CHST8: variants seen among roughly 807,000 people sequenced by gnomAD.
CHST8 encodes GALNAC-4-ST1.
CHST8 carries 10 observed loss-of-function variants against 15.0 expected under a neutral mutation model. The ratio of observed to expected loss-of-function variants is 0.67; its 90% confidence interval spans 0.41 to 1.13. CHST8 has a LOEUF of 1.13. Among genes scored for constraint, CHST8 ranks in the 50% most tolerant of loss-of-function variants. CHST8 has a pLI of 0.00. For missense variants in CHST8, 634 were observed against 608.2 expected, an observed-to-expected ratio of 1.04 and a Z score of -0.45; for synonymous variants, 259 against 256.6, an observed-to-expected ratio of 1.01 and a Z score of -0.09.
chr19:33,725,016 A>G (rs1022118373), intron 3 of CHST8, among the ~76,000 whole-genome samples: 1 of 152,076 alleles, frequency 6.6e-6, no homozygotes, highest in Non-Finnish European at 1.5e-5. Context: ...TCGGCAGCGC[A>G]CAGCTGTCAT....
At chr19:33,692,273 TC>T in intron 3 of CHST8, among the ~76,000 whole-genome samples, 1 of 152,240 alleles carries the variant, frequency 6.6e-6, no homozygotes, top group Non-Finnish European at 1.5e-5. Context: ...ATAATTCTTT[TC>T]CAGTCTCCAG....
At chr19:33,634,466 C>G (rs975030382) in intron 1 of CHST8, among the ~76,000 whole-genome samples, 6 of 151,994 alleles carry the variant, frequency 3.9e-5, no homozygotes, top group Non-Finnish European at 7.4e-5. Flanking sequence ...TTCTTCTGGG[C>G]GGGTTTGAAT....
Position 33,635,217 on chromosome 19 carries a change from G to C in CHST8, c.-164+12921G>C, listed in dbSNP as rs146394393. Among the ~76,000 whole-genome samples the C allele has an allele frequency of 4.6e-3, 701 of 152,304 alleles. 7 individuals carry two copies. Among genetic ancestry groups the C allele is most frequent in the Admixed American group, 4.1e-3 (63 of 15,298 alleles). On this transcript the variant is annotated intron_variant, in intron 1 of 4. Transcript: ENST00000650847. ...GGCAGAAGGGCCATTCCTGTCATCA[G>C]CTGCTCCACTCCTGCCCCTCAGCGT...
intron 3 of CHST8, among the ~76,000 whole-genome samples, chr19:33,692,882 A>AC (rs1973124779): frequency 6.6e-6 from 1 of 151,464 alleles, no homozygotes; most frequent in Non-Finnish European, 1.5e-5. Flanking sequence ...GGCACCCAGC[A>AC]CCCCCCACCA....
chr19:33,698,724 G>T (rs1020794796), intron 3 of CHST8, among the ~76,000 whole-genome samples: 1 of 152,106 alleles, frequency 6.6e-6, no homozygotes, highest in African/African-American at 2.4e-5. Context: ...GGGGCTTATG[G>T]TGTCTGAGAT....
At chr19:33,757,328 C>G (rs936215366) in intron 3 of CHST8, among the ~76,000 whole-genome samples, 1 of 148,222 alleles carries the variant, frequency 6.7e-6, no homozygotes, top group Non-Finnish European at 1.5e-5. Flanking sequence ...TGCAGTGAGC[C>G]AAAACCATGC....
chr19:33,713,536 T>G (rs1181017552), intron 3 of CHST8, among the ~76,000 whole-genome samples: 1 of 152,094 alleles, frequency 6.6e-6, no homozygotes, highest in Non-Finnish European at 1.5e-5. Context: ...TTATGTCCAC[T>G]GGGGAGGCTG....
intron 1 of CHST8, among the ~76,000 whole-genome samples, chr19:33,650,812 G>T (rs946018476): frequency 6.6e-6 from 1 of 151,144 alleles, no homozygotes; most frequent in South Asian, 2.1e-4. Context: ...GGGTTCAAGC[G>T]ATTCTCCTGC....
chr19:33,772,152 G>A lies in CHST8; in HGVS notation c.364G>A (p.Ala122Thr). Residue 122 changes from alanine to threonine, a missense_variant, in exon 5 of 5, where the codon GCG (alanine) becomes ACG (threonine). Physicochemically the swap from Ala to Thr is moderately conservative, Grantham distance 58. Transcript: ENST00000650847. Reference sequence around the variant, plus strand: ...TCTGCTCATCAAGAAAATGCCAGCTGCGGCGACCATCCCGGCCAACAGCTC... The same window carrying A: ...TCTGCTCATCAAGAAAATGCCAGCTACGGCGACCATCCCGGCCAACAGCTC... ...RRLLIKKMPA[A>T]ATIPANSSDA... 6.2e-7 allele frequency: 1 copy of A among 1,604,832 alleles called. No homozygotes were observed. Among genetic ancestry groups the A allele is most frequent in the Non-Finnish European group, 8.5e-7 (1 of 1,176,594 alleles).
At chr19:33,756,259 C>T (rs759845803) in intron 3 of CHST8, among the ~76,000 whole-genome samples, 6 of 152,198 alleles carry the variant, frequency 3.9e-5, no homozygotes, top group Admixed American at 1.3e-4. Flanking sequence ...TATTCTCGTG[C>T]TCAGAGCTAA....
intron 3 of CHST8, among the ~76,000 whole-genome samples, chr19:33,689,756 G>A (rs1225362654): frequency 3.3e-5 from 5 of 152,192 alleles, no homozygotes; most frequent in Admixed American, 6.5e-5. Flanking sequence ...ACTTCTCCCT[G>A]AGCCCATGCC....
chr19:33,698,880 C>T (rs1160643511), intron 3 of CHST8, among the ~76,000 whole-genome samples: 2 of 152,164 alleles, frequency 1.3e-5, no homozygotes, highest in Non-Finnish European at 2.9e-5. Context: ...CAGGTCGACA[C>T]ACTCACTCCT....
At chr19:33,627,955 T>A (rs979619073) in intron 1 of CHST8, among the ~76,000 whole-genome samples, 1 of 152,158 alleles carries the variant, frequency 6.6e-6, no homozygotes, top group African/African-American at 2.4e-5. Context: ...AAAAAATGAC[T>A]AATGTGTGAT....
chr19:33,688,213 T>C (rs1051487384), intron 2 of CHST8, among the ~76,000 whole-genome samples: 2 of 152,262 alleles, frequency 1.3e-5, no homozygotes, highest in Non-Finnish European at 2.9e-5. Flanking sequence ...ATTCTTCCTT[T>C]GGGCAAATGG....
chr19:33,686,138 C>T (rs978896442), intron 2 of CHST8, among the ~76,000 whole-genome samples: 2 of 152,016 alleles, frequency 1.3e-5, no homozygotes, highest in Non-Finnish European at 2.9e-5. Flanking sequence ...ATGCCAGCTT[C>T]CCTGGGTATA....
chr19:33,711,616 A>C (rs1973551799), intron 3 of CHST8, among the ~76,000 whole-genome samples: 2 of 152,212 alleles, frequency 1.3e-5, no homozygotes, highest in Non-Finnish European at 2.9e-5. Context: ...AATTGTAGGA[A>C]CATTGTTAAG....
rs10415177 is a variant in CHST8 at position 33,686,746 on chromosome 19, C to T, written c.-86-2430C>T. Among the ~76,000 whole-genome samples the T allele has an allele frequency of 3.5e-3, 532 of 152,262 alleles. 7 individuals carry two copies. The highest frequency in any genetic ancestry group is 0.026 in the East Asian group (133 of 5,164). On this transcript the variant is annotated intron_variant, in intron 2 of 4. Coordinates refer to ENST00000650847, the MANE Select transcript of CHST8 (RefSeq NM_001127895.2). ...GAGGCTGCAGGAAGCGCACCCACAC[C>T]GTGGCCAGCTTACTCAGGGGCTCGC...
intron 1 of CHST8, among the ~76,000 whole-genome samples, chr19:33,640,848 G>A (rs111457969): frequency 2.6e-5 from 4 of 152,140 alleles, no homozygotes; most frequent in African/African-American, 9.7e-5. Context: ...TGGCCAAGGT[G>A]CTGCTCTGCC....
chr19:33,681,764 G>C (rs1972892928), intron 2 of CHST8, among the ~76,000 whole-genome samples: 1 of 152,156 alleles, frequency 6.6e-6, no homozygotes, highest in African/African-American at 2.4e-5. Context: ...AAGTGGAGGG[G>C]AAGTCAGGCC....
Sources: gnomAD v4.1 joint callset for allele counts (sites outside exome capture counted in the v4.1 genomes callset) on GRCh38, gnomAD v4.1.1 for gene constraint, MANE v1.5 for transcripts, NCBI Gene and HGNC (gene_info 2026-07-23, HGNC 2026-07-21) for gene names.